The following LDLRAD3 variants were observed in gnomAD, a reference collection of about 807,000 sequenced individuals.
LDLRAD3 encodes low-density lipoprotein receptor class A domain-containing protein 3.
A neutral mutation model predicts 29.4 loss-of-function variants in LDLRAD3; 20 were observed. The ratio of observed to expected loss-of-function variants is 0.68; its 90% CI spans 0.48 to 0.99. LDLRAD3 has a LOEUF of 0.99. Ranked by LOEUF, LDLRAD3 falls within the 50% of genes least tolerant of loss-of-function variation. LDLRAD3 has a pLI of 0.00. For synonymous variants in LDLRAD3, 157 were observed against 192.7 expected, an observed-to-expected ratio of 0.81 and a Z score of 1.53; for missense variants, 420 against 454.3, an observed-to-expected ratio of 0.92 and a Z score of 0.69.
chr11:36,045,302 C>G (rs1314519040), intron 2 of LDLRAD3, among the ~76,000 whole-genome samples: 8 of 152,166 alleles, frequency 5.3e-5, no homozygotes, highest in Admixed American at 3.9e-4. Context: ...TAATTTTACA[C>G]TAAGGGGAGG....
At chr11:36,177,190 A>G (rs1283584970) in intron 4 of LDLRAD3, among the ~76,000 whole-genome samples, 1 of 152,022 alleles carries the variant, frequency 6.6e-6, no homozygotes, top group African/African-American at 2.4e-5. Flanking sequence ...GATGATATTT[A>G]CTTCTAAGGA....
chr11:36,120,902 G>C (rs1007495981), intron 4 of LDLRAD3, among the ~76,000 whole-genome samples: 1 of 152,168 alleles, frequency 6.6e-6, no homozygotes, highest in African/African-American at 2.4e-5. Context: ...CATTGTGCAA[G>C]GACACAGTGA....
At chr11:36,080,175 C>A (rs1235281137) in intron 2 of LDLRAD3, among the ~76,000 whole-genome samples, 1 of 152,160 alleles carries the variant, frequency 6.6e-6, no homozygotes, top group African/African-American at 2.4e-5. Flanking sequence ...GACCATGGGT[C>A]CTGCCTCTAA....
intron 2 of LDLRAD3, among the ~76,000 whole-genome samples, chr11:36,044,837 G>T (rs748540898): frequency 8.5e-5 from 13 of 152,240 alleles, no homozygotes; most frequent in Non-Finnish European, 1.5e-4. Context: ...CCTGCAGTGG[G>T]CGCCCACCCC....
intron 1 of LDLRAD3, among the ~76,000 whole-genome samples, chr11:36,006,066 T>C (rs1042115283): frequency 8.5e-5 from 13 of 152,104 alleles, no homozygotes; most frequent in African/African-American, 2.9e-4. Context: ...AAACAAAAAC[T>C]GCGCCCTTGC....
intron 4 of LDLRAD3, among the ~76,000 whole-genome samples, chr11:36,178,193 C>T (rs148327980): frequency 3.9e-4 from 60 of 152,290 alleles, no homozygotes; most frequent in African/African-American, 1.4e-3. Flanking sequence ...CAGTTTTATA[C>T]CACTTTGTTC....
chr11:36,189,584 TTA>T (rs1854908549), intron 4 of LDLRAD3, among the ~76,000 whole-genome samples: 1 of 150,802 alleles, frequency 6.6e-6, no homozygotes, highest in Non-Finnish European at 1.5e-5. Flanking sequence ...TACTTTTTTT[TTA>T]TTATTATTAT....
intron 4 of LDLRAD3, among the ~76,000 whole-genome samples, chr11:36,151,586 C>G (rs769861298): frequency 1.3e-5 from 2 of 152,146 alleles, no homozygotes; most frequent in African/African-American, 4.8e-5. Context: ...CCATGGCACT[C>G]CGCTCCCTCC....
At chr11:36,152,135 C>T (rs951427082) in intron 4 of LDLRAD3, among the ~76,000 whole-genome samples, 1 of 152,194 alleles carries the variant, frequency 6.6e-6, no homozygotes, top group Non-Finnish European at 1.5e-5. Flanking sequence ...GAAATGCTCT[C>T]TTTCCCTCCA....
intron 2 of LDLRAD3, among the ~76,000 whole-genome samples, chr11:36,075,806 C>G (rs1333806849): frequency 6.6e-6 from 1 of 152,116 alleles, no homozygotes; most frequent in Non-Finnish European, 1.5e-5. Flanking sequence ...TTGTTGGCCT[C>G]AGATATTTAT....
chr11:36,141,033 T>TCTCTCTCC (rs1347613872), intron 4 of LDLRAD3, among the ~76,000 whole-genome samples: 1 of 146,966 alleles, frequency 6.8e-6, no homozygotes, highest in Non-Finnish European at 1.5e-5. Context: ...TCTCTCTCTC[T>TCTCTCTCC]CTCCGTGTGG....
At chr11:36,040,633 T>G (rs1852368995) in intron 2 of LDLRAD3, among the ~76,000 whole-genome samples, 5 of 152,194 alleles carry the variant, frequency 3.3e-5, no homozygotes, top group Admixed American at 2.0e-4. Flanking sequence ...TGCTCACTTG[T>G]GAACAGGAGG....
intron 4 of LDLRAD3, among the ~76,000 whole-genome samples, chr11:36,123,481 A>G (rs919986921): frequency 6.6e-6 from 1 of 152,252 alleles, no homozygotes; most frequent in African/African-American, 2.4e-5. Context: ...GCCCAGCTCT[A>G]TAAGCATATT....
chr11:36,130,199 A>G (rs1853905324), intron 4 of LDLRAD3, among the ~76,000 whole-genome samples: 1 of 152,172 alleles, frequency 6.6e-6, no homozygotes, highest in Non-Finnish European at 1.5e-5. Flanking sequence ...CGATAGTAGC[A>G]CGGTGGGCTT....
intron 1 of LDLRAD3, among the ~76,000 whole-genome samples, chr11:35,999,419 G>A (rs1379707284): frequency 6.6e-6 from 1 of 152,190 alleles, no homozygotes; most frequent in Admixed American, 6.5e-5. Flanking sequence ...GGCGTTTAAA[G>A]CAGGACTGCT....
chr11:35,982,638 A>G (rs957296864), intron 1 of LDLRAD3, among the ~76,000 whole-genome samples: 7 of 152,090 alleles, frequency 4.6e-5, no homozygotes, highest in African/African-American at 1.7e-4. Context: ...AAATCCACTC[A>G]AGGGCATGTC....
intron 1 of LDLRAD3, among the ~76,000 whole-genome samples, chr11:35,969,615 C>A (rs1025118284): frequency 1.3e-5 from 2 of 152,204 alleles, no homozygotes; most frequent in African/African-American, 2.4e-5. Context: ...GTTGAGGTTG[C>A]TCAGGGTTCA....
intron 1 of LDLRAD3, among the ~76,000 whole-genome samples, chr11:35,977,448 G>A (rs1851490157): frequency 6.6e-6 from 1 of 152,172 alleles, no homozygotes; most frequent in Non-Finnish European, 1.5e-5. Context: ...GCCGGGAGGA[G>A]TGTATGAAGG....
At chr11:36,185,758 C>A (rs1854839401) in intron 4 of LDLRAD3, among the ~76,000 whole-genome samples, 1 of 152,216 alleles carries the variant, frequency 6.6e-6, no homozygotes, top group African/African-American at 2.4e-5. Flanking sequence ...AACACACATT[C>A]TTCTCTACTG....
Sources: allele counts gnomAD v4.1 joint callset (sites outside exome capture counted in the v4.1 genomes callset), GRCh38; gene constraint gnomAD v4.1.1; transcripts MANE v1.5; gene names NCBI Gene and HGNC (gene_info 2026-07-23, HGNC 2026-07-21).